CELA3B: variants seen among roughly 807,000 people sequenced by gnomAD.
The protein encoded by CELA3B is chymotrypsin like elastase 3B, also known as chymotrypsin-like elastase family member 3B.
Under a neutral mutation model 37.2 loss-of-function variants are expected in CELA3B, and 34 were observed. That is an observed-to-expected ratio of 0.91 (90% CI 0.70 to 1.22). The LOEUF (loss-of-function observed/expected upper bound fraction) is 1.22, where lower values mean the gene tolerates loss of function less well. Ranked by LOEUF, CELA3B falls within the 50% of genes most tolerant of loss-of-function variation. CELA3B has a pLI of 0.00. For missense variants in CELA3B, 340 were observed against 363.1 expected, an observed-to-expected ratio of 0.94 and a Z score of 0.52; for synonymous variants, 127 against 143.5, an observed-to-expected ratio of 0.89 and a Z score of 0.82.
intron 4 of CELA3B, among the ~76,000 whole-genome samples, chr1:21,983,215 C>T (rs1644815354): frequency 6.6e-6 from 1 of 152,030 alleles, no homozygotes; most frequent in African/African-American, 2.4e-5. Flanking sequence ...ATTAGCCAAG[C>T]GTGGTGGCAT....
At chr1:21,985,381 A>T (rs1644831455) in intron 6 of CELA3B, among the ~76,000 whole-genome samples, 1 of 151,442 alleles carries the variant, frequency 6.6e-6, no homozygotes. Flanking sequence ...GGGCTCAAGC[A>T]ATCCTCCCAT....
chr1:21,994,170 G>T (rs1644879759), downstream of CELA3B, among the ~76,000 whole-genome samples: 12 of 151,188 alleles, frequency 7.9e-5, 1 homozygote, highest in South Asian at 2.5e-3. Context: ...TCGTGGCTGG[G>T]CAGGGGCAGG....
rs1232924731 is a variant in CELA3B, at chr1:21,998,187, T to C, written c.541T>C (p.Ter181GlnextTer5). The stretch of plus-strand genomic sequence containing the variant: ...CAACAAGGCACCAGAGTCCCGGACT[T>C]AGGACCACTGTGTGTGATTCACCGT... The change falls in exon 5 of 5, where the codon TAG becomes CAG. Residue 181 changes from the stop codon to glutamine, a stop_lost. Transcript: ENST00000400277. 32 of 470,260 alleles carry C rather than the reference T, an allele frequency of 6.8e-5. 1 individual carries two copies. Among genetic ancestry groups the C allele is most frequent in the South Asian group, 1.7e-4 (11 of 64,470 alleles). 29.1% of individuals were successfully genotyped at this position (470,260 alleles called of 1,614,324 possible). A position where few individuals can be genotyped will look rare whatever the true frequency, so the allele number is the denominator to read the frequency against.
Position 21,980,895 on chromosome 1 carries a change from G to A in CELA3B, c.201G>A (p.Trp67Ter). 5 of 1,613,446 alleles carry A rather than the reference G, an allele frequency of 3.1e-6. No individual in the cohort carries two copies. Among genetic ancestry groups the A allele is most frequent in the Non-Finnish European group, 4.2e-6 (5 of 1,179,824 alleles). ...TCGGSLIAPD[W>*]VVTAGHCISS... ...GCGGTAGCCTCATCGCCCCCGACTG[G>A]GTTGTGACTGCCGGCCACTGCATCT... The change falls in exon 3 of 8, where the codon TGG becomes TGA. Residue 67 changes from tryptophan (W) to a stop codon, truncating the protein, a stop_gained. Coordinates refer to ENST00000337107, the MANE Select transcript of CELA3B (RefSeq NM_007352.4). LOFTEE classifies it high-confidence loss of function.
chr1:21,982,269 G>T (rs1471670467), intron 4 of CELA3B, among the ~76,000 whole-genome samples: 1 of 152,160 alleles, frequency 6.6e-6, no homozygotes, highest in East Asian at 1.9e-4. Flanking sequence ...CTCAAAATGT[G>T]GTACCTGGGC....
At chr1:21,988,474 T>C (rs1644851993) in intron 7 of CELA3B, among the ~76,000 whole-genome samples, 1 of 150,706 alleles carries the variant, frequency 6.6e-6, no homozygotes, top group East Asian at 2.0e-4. Context: ...GGCTGTAATC[T>C]CAGCTACTTG....
chr1:21,986,416 C>T (rs1249100602), intron 6 of CELA3B, 115 bp from the exon 7 acceptor site: 19 of 1,341,148 alleles, frequency 1.4e-5, no homozygotes, highest in Middle Eastern at 2.6e-4. Flanking sequence ...AATGAGCGAG[C>T]TAAGGCTCAG....
chr1:21,989,624 G>A (rs1246015868), downstream of CELA3B, among the ~76,000 whole-genome samples: 6 of 149,568 alleles, frequency 4.0e-5, no homozygotes, highest in Non-Finnish European at 7.4e-5. Context: ...GTATATAGTC[G>A]CACATAAGTC....
At chr1:21,997,162 C>G (rs1373057567) in intron 4 of CELA3B, among the ~76,000 whole-genome samples, 1 of 149,606 alleles carries the variant, frequency 6.7e-6, no homozygotes, top group Admixed American at 6.7e-5. Context: ...GAGTTTGAGA[C>G]CAGGCTGGCC....
intron 6 of CELA3B, among the ~76,000 whole-genome samples, chr1:21,985,810 G>A (rs1191219866): frequency 6.6e-6 from 1 of 152,084 alleles, no homozygotes. Flanking sequence ...AGAATGGTGT[G>A]AACCTGGGAG....
At chr1:21,993,958 G>T (rs1170984971), downstream of CELA3B, among the ~76,000 whole-genome samples, 2 of 146,090 alleles carry the variant, frequency 1.4e-5, no homozygotes, top group East Asian at 4.0e-4. Flanking sequence ...CCTCCCTGAT[G>T]GCATTCTGGC....
chr1:21,980,393 C>G (rs1031558548), intron 2 of CELA3B, among the ~76,000 whole-genome samples: 1 of 152,154 alleles, frequency 6.6e-6, no homozygotes, highest in South Asian at 2.1e-4. Context: ...GCAGGAGAGT[C>G]GCTTGAACCC....
intron 4 of CELA3B, among the ~76,000 whole-genome samples, chr1:21,981,992 T>C (rs1644808683): frequency 6.6e-6 from 1 of 152,132 alleles, no homozygotes; most frequent in Non-Finnish European, 1.5e-5. Flanking sequence ...CCCAAAGTGC[T>C]AGGATTACAG....
At chr1:21,978,929 C>G (rs1644787786) in intron 2 of CELA3B, among the ~76,000 whole-genome samples, 1 of 151,652 alleles carries the variant, frequency 6.6e-6, no homozygotes, top group Non-Finnish European at 1.5e-5. Context: ...CGCCTGTAAT[C>G]CCAGCTACCC....
chr1:21,981,228 C>A (rs1644802498), intron 4 of CELA3B, 56 bp downstream of exon 4: 2 of 1,577,052 alleles, frequency 1.3e-6, no homozygotes, highest in South Asian at 1.1e-5. Flanking sequence ...CCCTCCATGA[C>A]CCACAGCCAA....
At chr1:21,977,176 G>A in intron 1 of CELA3B, 94 bp downstream of exon 1, 1 of 1,572,300 alleles carries the variant, frequency 6.4e-7, no homozygotes, top group Non-Finnish European at 8.8e-7. Flanking sequence ...GACACCCTAT[G>A]CCTGGTTCCA....
chr1:21,988,291 TA>T (rs558130631), intron 7 of CELA3B, among the ~76,000 whole-genome samples: 2,398 of 98,016 alleles, frequency 0.024, 42 homozygotes, highest in Non-Finnish European at 0.03. Context: ...TGACCCATGT[TA>T]AAAAAATATA....
chr1:21,980,337 G>C (rs1461746288), intron 2 of CELA3B, among the ~76,000 whole-genome samples: 1 of 151,812 alleles, frequency 6.6e-6, no homozygotes, highest in East Asian at 1.9e-4. Context: ...AAATTAGCCA[G>C]GCACGACGGC....
At chr1:21,993,461 CAAAAAA>C (rs58752734), downstream of CELA3B, among the ~76,000 whole-genome samples, 1 of 81,658 alleles carries the variant, frequency 1.2e-5, no homozygotes, top group Admixed American at 1.0e-4. Context: ...ACCTCCTCTC[CAAAAAA>C]AAAAAAAAAA....
Sources: allele counts gnomAD v4.1 joint callset (sites outside exome capture counted in the v4.1 genomes callset), GRCh38; gene constraint gnomAD v4.1.1; transcripts MANE v1.5; gene names NCBI Gene and HGNC (gene_info 2026-07-23, HGNC 2026-07-21).